Variants in VPS4B observed in about 807,000 individuals in gnomAD.
The protein encoded by VPS4B is vacuolar protein sorting-associated protein 4B.
In VPS4B, 23 loss-of-function variants were observed where a neutral mutation model predicts 56.1. The ratio of observed to expected loss-of-function variants is 0.41; its 90% CI spans 0.30 to 0.58. VPS4B has a LOEUF of 0.58. Ranked by LOEUF, VPS4B falls within the 20% of genes least tolerant of loss-of-function variation. The pLI is 0.29. For synonymous variants in VPS4B, 177 were observed against 186.0 expected, an observed-to-expected ratio of 0.95 and a Z score of 0.39; for missense variants, 372 against 531.9, an observed-to-expected ratio of 0.70 and a Z score of 2.96.
chr18:63,399,104 C>A (rs759266449), intron 8 of VPS4B, 138 bp downstream of exon 8: 58 of 649,208 alleles, frequency 8.9e-5, no homozygotes, highest in Admixed American at 7.7e-4. Context: ...CCACTCAAGG[C>A]AGGGGAGCAA....
At chr18:63,417,193 C>T (rs952931060) in intron 1 of VPS4B, among the ~76,000 whole-genome samples, 1 of 152,284 alleles carries the variant, frequency 6.6e-6, no homozygotes, top group East Asian at 1.9e-4. Flanking sequence ...ATATTTCCAT[C>T]GACATACAAA....
At chr18:63,398,876 T>C (rs1438828942) in intron 8 of VPS4B, among the ~76,000 whole-genome samples, 1 of 152,122 alleles carries the variant, frequency 6.6e-6, no homozygotes, top group Non-Finnish European at 1.5e-5. Context: ...TATTTTGACT[T>C]ATAGAATTGC....
chr18:63,394,353 T>G (rs1351942526), intron 9 of VPS4B, among the ~76,000 whole-genome samples: 1 of 152,242 alleles, frequency 6.6e-6, no homozygotes, highest in Non-Finnish European at 1.5e-5. Flanking sequence ...ATCAATGCCA[T>G]TTTATCATGT....
chr18:63,407,071 C>T (rs1915935266), intron 4 of VPS4B, among the ~76,000 whole-genome samples: 1 of 152,226 alleles, frequency 6.6e-6, no homozygotes, highest in Admixed American at 6.5e-5. Flanking sequence ...CGTGTAAGTC[C>T]TAACTTCTCC....
At chr18:63,399,773 T>G (rs1344201815) in intron 7 of VPS4B, among the ~76,000 whole-genome samples, 1 of 152,196 alleles carries the variant, frequency 6.6e-6, no homozygotes, top group African/African-American at 2.4e-5. Context: ...ATGAAACAGT[T>G]TGTTAGAATG....
At chr18:63,411,380 C>T in intron 2 of VPS4B, 87 bp downstream of exon 2, 1 of 927,776 alleles carries the variant, frequency 1.1e-6, no homozygotes, top group South Asian at 3.6e-5. Flanking sequence ...TTAGAATTGT[C>T]TGGCATTATA....
Position 63,407,426 on chromosome 18 carries a change from A to G in VPS4B, c.364+6T>C, listed in dbSNP as rs1309400886. 1 of 1,603,846 alleles carries G rather than the reference A, an allele frequency of 6.2e-7. No homozygotes were observed. Among genetic ancestry groups the G allele is most frequent in the East Asian group, 2.2e-5 (1 of 44,652 alleles). On this transcript the variant is annotated splice_donor_region_variant and intron_variant, in intron 4 of 10. Coordinates refer to ENST00000238497, the MANE Select transcript of VPS4B (RefSeq NM_004869.4). Reference sequence around the variant, plus strand: ...TAGTAAATTTAAAAATGAAATCTAAAGCAACCTTGAAGTTGATTCTGTAGT... The same window carrying G: ...TAGTAAATTTAAAAATGAAATCTAAGGCAACCTTGAAGTTGATTCTGTAGT...
chr18:63,417,347 G>T (rs1468345095), intron 1 of VPS4B, among the ~76,000 whole-genome samples: 1 of 151,800 alleles, frequency 6.6e-6, no homozygotes. Context: ...TCATATCAAG[G>T]CTCTCTAGCA....
chr18:63,417,636 C>T (rs906724274), intron 1 of VPS4B, among the ~76,000 whole-genome samples: 3 of 152,020 alleles, frequency 2.0e-5, no homozygotes, highest in Non-Finnish European at 4.4e-5. Context: ...TTTGTGTGTG[C>T]ATGTGTGTGT....
intron 1 of VPS4B, among the ~76,000 whole-genome samples, chr18:63,412,821 C>T (rs1427865998): frequency 1.3e-5 from 2 of 151,986 alleles, no homozygotes; most frequent in African/African-American, 2.4e-5. Context: ...ACCACCGCAC[C>T]CAGCTAAAAC....
intron 5 of VPS4B, 40 bp downstream of exon 5, chr18:63,403,667 T>C (rs1568086687): frequency 1.3e-6 from 2 of 1,567,144 alleles, no homozygotes; most frequent in African/African-American, 1.4e-5. Context: ...AATGAACTTT[T>C]ACAAACTCAT....
chr18:63,415,433 T>A (rs1568091292), intron 1 of VPS4B: 2 of 286,490 alleles, frequency 7.0e-6, no homozygotes, highest in South Asian at 4.1e-5. Flanking sequence ...AGGGCATATA[T>A]GCTGCTTTCT....
intron 9 of VPS4B, among the ~76,000 whole-genome samples, chr18:63,394,083 C>G (rs1194250478): frequency 1.3e-5 from 2 of 151,868 alleles, no homozygotes; most frequent in African/African-American, 4.8e-5. Flanking sequence ...AAATTTCCTA[C>G]AATAAATTGC....
In VPS4B at chr18:63,422,451, A is replaced by C; in HGVS notation, c.-192T>G. The C allele has an allele frequency of 4.7e-6, 2 of 429,784 alleles. No individual in the cohort carries two copies. Among genetic ancestry groups the C allele is most frequent in the Non-Finnish European group, 8.0e-6 (2 of 249,618 alleles). 26.6% of individuals were successfully genotyped at this position (429,784 alleles called of 1,614,324 possible). On this transcript the variant is annotated 5_prime_UTR_variant, in exon 1 of 11. Coordinates refer to ENST00000238497, the MANE Select transcript of VPS4B (RefSeq NM_004869.4). ...CACCAGAGCTCCGACCCTCCCCACC[A>C]AACTTCCGCAATCCCGAGGCCCTCT...
chr18:63,418,569 C>G (rs1406930932), intron 1 of VPS4B, among the ~76,000 whole-genome samples: 1 of 152,114 alleles, frequency 6.6e-6, no homozygotes, highest in Non-Finnish European at 1.5e-5. Flanking sequence ...ACCACCACAC[C>G]TGGCTAATTT....
At chr18:63,408,579 C>T (rs141704874) in intron 3 of VPS4B, among the ~76,000 whole-genome samples, 142 of 152,310 alleles carry the variant, frequency 9.3e-4, no homozygotes, top group African/African-American at 3.2e-3. Context: ...AATCTTCAGG[C>T]GAAGGCACTG....
intron 1 of VPS4B, among the ~76,000 whole-genome samples, chr18:63,417,738 C>T (rs1386082552): frequency 6.6e-6 from 1 of 152,110 alleles, no homozygotes; most frequent in Non-Finnish European, 1.5e-5. Flanking sequence ...GCAGTTCTGT[C>T]TGTTGTCTTC....
chr18:63,392,794 A>T (rs1323540767), intron 10 of VPS4B, among the ~76,000 whole-genome samples: 1 of 149,058 alleles, frequency 6.7e-6, no homozygotes, highest in East Asian at 2.0e-4. Flanking sequence ...TCTGTTGCCC[A>T]GGCTGGGGTG....
intron 1 of VPS4B, among the ~76,000 whole-genome samples, chr18:63,418,212 T>A (rs998540609): frequency 6.6e-6 from 1 of 152,136 alleles, no homozygotes; most frequent in Admixed American, 6.5e-5. Flanking sequence ...TCTCTTTGCC[T>A]CCACAGCAAA....
Sources: allele counts gnomAD v4.1 joint callset (sites outside exome capture counted in the v4.1 genomes callset), GRCh38; gene constraint gnomAD v4.1.1; transcripts MANE v1.5; gene names NCBI Gene and HGNC (gene_info 2026-07-23, HGNC 2026-07-21).